Variants in ROBO2 observed in about 807,000 individuals in gnomAD.
The protein encoded by ROBO2 is roundabout guidance receptor 2.
A neutral mutation model predicts 160.8 loss-of-function variants in ROBO2; 53 were observed. That is an observed-to-expected ratio of 0.33 (90% CI 0.26 to 0.41). ROBO2 has a LOEUF of 0.41. ROBO2 is among the 10% of genes least tolerant of loss of function. The probability of loss-of-function intolerance (pLI) is 1.00; values close to 1 mark genes in which losing one functional copy is unlikely to be tolerated. For missense variants in ROBO2, 1,577 were observed against 1,722.4 expected (o/e 0.92, Z 1.49); for synonymous variants, 664 against 611.7 (o/e 1.09, Z -1.26).
At chr3:76,417,546 G>GA (rs1035240852) in intron 2 of ROBO2, among the ~76,000 whole-genome samples, 2 of 151,958 alleles carry the variant, frequency 1.3e-5, no homozygotes, top group African/African-American at 4.8e-5. Context: ...AAATATTGAG[G>GA]AAAAAATAAA....
At chr3:77,484,886 C>T (rs909755048) in intron 4 of ROBO2, among the ~76,000 whole-genome samples, 9 of 151,954 alleles carry the variant, frequency 5.9e-5, no homozygotes, top group Non-Finnish European at 1.5e-5. Context: ...TTTTGTTCTT[C>T]TTTGAATTAA....
chr3:76,052,828 T>A (rs2067700554), intron 2 of ROBO2, among the ~76,000 whole-genome samples: 1 of 152,014 alleles, frequency 6.6e-6, no homozygotes, highest in Non-Finnish European at 1.5e-5. Context: ...ATTCTGTATT[T>A]AGGACAAGTG....
At chr3:77,390,834 T>C (rs889146286) in intron 2 of ROBO2, among the ~76,000 whole-genome samples, 1 of 152,204 alleles carries the variant, frequency 6.6e-6, no homozygotes, top group Non-Finnish European at 1.5e-5. Context: ...TAGTTCTTAT[T>C]GGAATCATTG....
chr3:76,300,120 C>G (rs181217334), intron 2 of ROBO2, among the ~76,000 whole-genome samples: 2 of 152,196 alleles, frequency 1.3e-5, no homozygotes, highest in East Asian at 3.9e-4. Flanking sequence ...ATGCCAAAAT[C>G]AAGGCCTCAT....
chr3:77,644,848 T>A, exon 25 of ROBO2: 1 of 1,614,162 alleles, frequency 6.2e-7, no homozygotes, highest in Non-Finnish European at 8.5e-7. Context: ...GCCAGCGACC[T>A]TCTTGACATA....
At chr3:76,918,557 T>C (rs1467538295) in intron 2 of ROBO2, among the ~76,000 whole-genome samples, 1 of 152,232 alleles carries the variant, frequency 6.6e-6, no homozygotes, top group Non-Finnish European at 1.5e-5. Context: ...AATAATATTT[T>C]AGTGTCATAA....
At chr3:76,928,391 A>G (rs1285220382) in intron 2 of ROBO2, among the ~76,000 whole-genome samples, 1 of 151,950 alleles carries the variant, frequency 6.6e-6, no homozygotes, top group South Asian at 2.1e-4. Context: ...GCATATGCAT[A>G]TATGTATGTA....
intron 5 of ROBO2, among the ~76,000 whole-genome samples, chr3:77,501,619 C>A (rs1041162980): frequency 6.6e-6 from 1 of 150,878 alleles, no homozygotes; most frequent in South Asian, 2.1e-4. Flanking sequence ...TGAATGGTTT[C>A]GGTGCTGTCC....
At chr3:76,128,218 T>A (rs759054567) in intron 2 of ROBO2, among the ~76,000 whole-genome samples, 6 of 152,110 alleles carry the variant, frequency 3.9e-5, no homozygotes, top group Non-Finnish European at 8.8e-5. Flanking sequence ...CTAAGGATCA[T>A]GTAAAGCAGC....
intron 2 of ROBO2, among the ~76,000 whole-genome samples, chr3:76,478,074 T>C (rs978422340): frequency 8.6e-5 from 13 of 150,872 alleles, no homozygotes; most frequent in African/African-American, 2.9e-4. Context: ...ATGTGCACAA[T>C]GTGCAGGTTA....
At chr3:76,055,445 A>G (rs539838449) in intron 2 of ROBO2, among the ~76,000 whole-genome samples, 1 of 152,346 alleles carries the variant, frequency 6.6e-6, no homozygotes, top group South Asian at 2.1e-4. Flanking sequence ...CTGTCACCCA[A>G]ATAGTGAACA....
intron 2 of ROBO2, among the ~76,000 whole-genome samples, chr3:76,966,375 T>G (rs1304325160): frequency 6.6e-6 from 1 of 152,194 alleles, no homozygotes; most frequent in Non-Finnish European, 1.5e-5. Flanking sequence ...TTTTTCCACT[T>G]TACTGTGAGA....
intron 2 of ROBO2, among the ~76,000 whole-genome samples, chr3:76,085,095 C>T (rs1274597628): frequency 7.0e-6 from 1 of 141,976 alleles, no homozygotes; most frequent in East Asian, 2.0e-4. Flanking sequence ...ACAAACCCCC[C>T]AGTTTACATA....
At chr3:77,487,200 A>T (rs2085473322) in intron 4 of ROBO2, among the ~76,000 whole-genome samples, 1 of 152,134 alleles carries the variant, frequency 6.6e-6, no homozygotes, top group African/African-American at 2.4e-5. Context: ...GTGGTATAAG[A>T]ACATGAGGTG....
At chr3:76,043,113 A>C (rs1030012928) in intron 2 of ROBO2, among the ~76,000 whole-genome samples, 3 of 151,990 alleles carry the variant, frequency 2.0e-5, no homozygotes, top group African/African-American at 7.3e-5. Context: ...GACTTCTAAT[A>C]AACAGTTAAA....
At chr3:76,345,791 T>C (rs1290982176) in intron 2 of ROBO2, among the ~76,000 whole-genome samples, 1 of 152,126 alleles carries the variant, frequency 6.6e-6, no homozygotes, top group African/African-American at 2.4e-5. Flanking sequence ...GCTGAAAGTT[T>C]TATTTATGAA....
chr3:76,124,380 T>C lies in ROBO2; in HGVS notation c.109+186778T>C, dbSNP rs953478239. ...TCTATCTAGTACTCTATACTCCTTA[T>C]ATGCCCTAAAGTTTCCTTTTAGGAA... On this transcript the variant is annotated intron_variant, in intron 2 of 26. Coordinates refer to the ROBO2 transcript ENST00000487694. 3.9e-5 allele frequency among the ~76,000 whole-genome samples: 6 copies of C among 152,070 alleles called. No individual in the cohort carries two copies. In the East Asian group the frequency reaches 1.2e-3, roughly 29 times the overall value.
At chr3:76,637,433 A>C (rs1419939486) in intron 2 of ROBO2, among the ~76,000 whole-genome samples, 1 of 151,968 alleles carries the variant, frequency 6.6e-6, no homozygotes, top group Non-Finnish European at 1.5e-5. Flanking sequence ...TAAAAAAAAA[A>C]ATGAAAAAAA....
At chr3:76,469,978 C>T (rs2107023117) in intron 2 of ROBO2, among the ~76,000 whole-genome samples, 1 of 152,280 alleles carries the variant, frequency 6.6e-6, no homozygotes, top group South Asian at 2.1e-4. Flanking sequence ...ATATACTATT[C>T]TGCAAGCCAG....
Sources: gnomAD v4.1 joint callset for allele counts (sites outside exome capture counted in the v4.1 genomes callset) on GRCh38, gnomAD v4.1.1 for gene constraint, MANE v1.5 for transcripts, NCBI Gene and HGNC (gene_info 2026-07-23, HGNC 2026-07-21) for gene names.